LRBA: variants seen among roughly 807,000 people sequenced by gnomAD.
The protein encoded by LRBA is LPS responsive beige-like anchor protein, also known as lipopolysaccharide-responsive and beige-like anchor protein.
Under a neutral mutation model 330.0 loss-of-function variants are expected in LRBA, and 176 were observed. That is an observed-to-expected ratio of 0.53 (90% CI 0.47 to 0.60). The LOEUF (loss-of-function observed/expected upper bound fraction) is 0.60, where lower values mean the gene tolerates loss of function less well. Ranked by LOEUF, LRBA falls within the 20% of genes least tolerant of loss-of-function variation. LRBA has a pLI of 0.00. For missense variants in LRBA, 3,259 were observed against 3,444.8 expected (o/e 0.95, Z 1.35); for synonymous variants, 1,230 against 1,193.0 (o/e 1.03, Z -0.64).
At chr4:150,776,044 T>G (rs1737287419) in intron 34 of LRBA, among the ~76,000 whole-genome samples, 1 of 152,158 alleles carries the variant, frequency 6.6e-6, no homozygotes, top group Admixed American at 6.5e-5. Context: ...ACAAATGTTA[T>G]TATGAAAGTA....
rs187852482 is a variant in LRBA, at chr4:150,956,362, A to G, written c.217-27297T>C. Among the ~76,000 whole-genome samples, 52 of 149,080 alleles carry G rather than the reference A, an allele frequency of 3.5e-4. 2 individuals carry two copies. The East Asian group carries it at 6.6e-3, about 19-fold the overall frequency. Reference sequence around the variant, plus strand: ...CAAACAGACCTACAACAAGAATTAAATTAGTAATAAAAAAATCAACTCACA... The same window carrying G: ...CAAACAGACCTACAACAAGAATTAAGTTAGTAATAAAAAAATCAACTCACA... On this transcript the variant is annotated intron_variant, in intron 2 of 56. Transcript: ENST00000651943.
intron 36 of LRBA, among the ~76,000 whole-genome samples, chr4:150,693,776 G>A (rs1784368955): frequency 6.6e-6 from 1 of 151,924 alleles, no homozygotes; most frequent in Admixed American, 6.6e-5. Context: ...AATTAATGAT[G>A]TTAAACATAC....
At chr4:150,346,010 G>C (rs1156817194) in intron 48 of LRBA, among the ~76,000 whole-genome samples, 1 of 152,076 alleles carries the variant, frequency 6.6e-6, no homozygotes. Context: ...GCCTCACTTT[G>C]TTGCCCAGGC....
intron 53 of LRBA, among the ~76,000 whole-genome samples, chr4:150,296,664 C>T (rs1004725281): frequency 1.7e-4 from 26 of 149,940 alleles, no homozygotes; most frequent in Non-Finnish European, 3.1e-4. Flanking sequence ...ACTGTTGCTT[C>T]GTAAAAAAAA....
intron 33 of LRBA, among the ~76,000 whole-genome samples, chr4:150,802,066 A>G (rs973668025): frequency 5.3e-5 from 8 of 150,542 alleles, no homozygotes; most frequent in African/African-American, 1.9e-4. Context: ...AAATTTTTTA[A>G]AACATTAGAC....
At chr4:150,723,028 G>A (rs1393180686) in intron 36 of LRBA, among the ~76,000 whole-genome samples, 1 of 152,132 alleles carries the variant, frequency 6.6e-6, no homozygotes, top group Non-Finnish European at 1.5e-5. Context: ...AGAGGGGAAT[G>A]ACATATCCCA....
intron 40 of LRBA, among the ~76,000 whole-genome samples, chr4:150,546,388 G>A (rs757352293): frequency 2.0e-5 from 3 of 152,212 alleles, no homozygotes; most frequent in East Asian, 3.9e-4. Context: ...TTTTATTAGC[G>A]CTGCCCCTTC....
chr4:150,524,047 A>G (rs1469457656), intron 40 of LRBA, among the ~76,000 whole-genome samples: 1 of 152,120 alleles, frequency 6.6e-6, no homozygotes, highest in Non-Finnish European at 1.5e-5. Flanking sequence ...GCTCTGGCAG[A>G]TGGGTAATTT....
intron 34 of LRBA, among the ~76,000 whole-genome samples, chr4:150,785,044 T>C (rs1480740062): frequency 6.6e-6 from 1 of 152,216 alleles, no homozygotes; most frequent in Admixed American, 6.5e-5. Context: ...CAGAACCTGC[T>C]GTGCGTGAGA....
At chr4:150,501,669 A>G (rs1301230921) in intron 40 of LRBA, among the ~76,000 whole-genome samples, 1 of 152,110 alleles carries the variant, frequency 6.6e-6, no homozygotes, top group African/African-American at 2.4e-5. Context: ...AGCAAAAAAC[A>G]AAAGGGGGAA....
intron 40 of LRBA, among the ~76,000 whole-genome samples, chr4:150,558,979 G>T (rs748460284): frequency 6.6e-6 from 1 of 152,058 alleles, no homozygotes; most frequent in South Asian, 2.1e-4. Flanking sequence ...ATACTGACTG[G>T]CTGATCAAAA....
At chr4:150,798,909 G>T (rs6838286) in intron 33 of LRBA, among the ~76,000 whole-genome samples, 133,019 of 152,092 alleles carry the variant, frequency 0.87, 58,554 homozygotes, top group Non-Finnish European at 0.94. Context: ...TTTTTTATTC[G>T]ACATTTTTCT....
intron 37 of LRBA, among the ~76,000 whole-genome samples, chr4:150,634,638 T>C (rs754580427): frequency 1.3e-5 from 2 of 152,196 alleles, no homozygotes; most frequent in Non-Finnish European, 2.9e-5. Flanking sequence ...GTTCATATAT[T>C]TCTTCTTTGC....
chr4:150,964,546 C>T (rs900644433), intron 2 of LRBA, among the ~76,000 whole-genome samples: 8 of 151,220 alleles, frequency 5.3e-5, no homozygotes, highest in South Asian at 4.2e-4. Context: ...CTCTCTGAAA[C>T]ATGTGCTGTG....
chr4:150,904,111 CT>C, intron 13 of LRBA, among the ~76,000 whole-genome samples: 1 of 152,204 alleles, frequency 6.6e-6, no homozygotes, highest in Non-Finnish European at 1.5e-5. Context: ...AAAAGCAAAG[CT>C]TTTCACATCC....
intron 53 of LRBA, among the ~76,000 whole-genome samples, chr4:150,289,040 G>A (rs1001098244): frequency 1.3e-5 from 2 of 152,078 alleles, no homozygotes; most frequent in African/African-American, 4.8e-5. Context: ...GTGGAAGAAG[G>A]GAGAGGATTG....
At chr4:150,739,748 G>A (rs1731694807) in intron 35 of LRBA, among the ~76,000 whole-genome samples, 1 of 152,150 alleles carries the variant, frequency 6.6e-6, no homozygotes, top group Admixed American at 6.6e-5. Flanking sequence ...GGCCTCCATG[G>A]CAAGGAGCTG....
intron 17 of LRBA, among the ~76,000 whole-genome samples, chr4:150,892,289 G>GCATA (rs1371905343): frequency 6.6e-6 from 1 of 152,142 alleles, no homozygotes; most frequent in Non-Finnish European, 1.5e-5. Context: ...CCAAATGTTT[G>GCATA]CATACACCCA....
chr4:150,414,479 T>C (rs928865407), intron 47 of LRBA, among the ~76,000 whole-genome samples: 1 of 152,088 alleles, frequency 6.6e-6, no homozygotes, highest in Non-Finnish European at 1.5e-5. Context: ...TACTTTTATT[T>C]TTTAAATTTA....
Sources: gnomAD v4.1 joint callset for allele counts (sites outside exome capture counted in the v4.1 genomes callset) on GRCh38, gnomAD v4.1.1 for gene constraint, MANE v1.5 for transcripts, NCBI Gene and HGNC (gene_info 2026-07-23, HGNC 2026-07-21) for gene names.